CYTH1: variants seen among roughly 807,000 people sequenced by gnomAD.
CYTH1 encodes the protein cytohesin-1.
A neutral mutation model predicts 61.8 loss-of-function variants in CYTH1; 18 were observed. The ratio of observed to expected loss-of-function variants is 0.29; its 90% CI spans 0.20 to 0.43. CYTH1 has a LOEUF of 0.43. Among genes scored for constraint, CYTH1 ranks in the 20% least tolerant of loss-of-function variants. The pLI is 1.00. For synonymous variants in CYTH1, 174 were observed against 184.3 expected (o/e 0.94, Z 0.45); for missense variants, 336 against 510.5 (o/e 0.66, Z 3.29).
At chr17:78,714,949 A>G (rs2093168571) in intron 1 of CYTH1, among the ~76,000 whole-genome samples, 1 of 152,230 alleles carries the variant, frequency 6.6e-6, no homozygotes, top group African/African-American at 2.4e-5. Flanking sequence ...CTTGCAAATT[A>G]AACATACTTT....
intron 1 of CYTH1, among the ~76,000 whole-genome samples, chr17:78,724,785 T>G (rs1026180549): frequency 2.0e-5 from 3 of 152,172 alleles, no homozygotes; most frequent in Admixed American, 2.0e-4. Flanking sequence ...TCCACTGCCA[T>G]GCCATGGGGG....
At chr17:78,727,563 A>G (rs1363560725) in intron 1 of CYTH1, 5 of 395,592 alleles carry the variant, frequency 1.3e-5, no homozygotes, top group South Asian at 8.9e-5. Flanking sequence ...CCGGGTTTGC[A>G]AAAGTTTGGG....
At chr17:78,679,697 C>G (rs2092737709) in intron 13 of CYTH1, among the ~76,000 whole-genome samples, 1 of 152,230 alleles carries the variant, frequency 6.6e-6, no homozygotes, top group Non-Finnish European at 1.5e-5. Flanking sequence ...CTGTGGAACC[C>G]TGAGGAAGCT....
intron 2 of CYTH1, 167 bp downstream of exon 2, chr17:78,709,483 T>G (rs2093105214): frequency 1.6e-6 from 1 of 638,218 alleles, no homozygotes; most frequent in Non-Finnish European, 2.7e-6. Flanking sequence ...TCTCCTCAGC[T>G]GTAGAGGAAA....
In CYTH1 at chr17:78,731,762, A is replaced by AC. The variant is rs1245266331; in HGVS notation, c.23-22031_23-22030insG. Among the ~76,000 whole-genome samples, 356 of 151,864 alleles carry AC rather than the reference A, an allele frequency of 2.3e-3. 1 individual carries two copies. Among genetic ancestry groups the AC allele is most frequent in the Non-Finnish European group, 3.9e-3 (264 of 67,920 alleles). ...GACAGCGAGACTCCGTCTCAAAAAA[A>AC]AAAAAAAAACAAAAAAAAACAAATA... is the stretch of plus-strand genomic sequence containing the variant. On this transcript the variant is annotated intron_variant, in intron 1 of 13. Coordinates refer to ENST00000446868, the MANE Select transcript of CYTH1 (RefSeq NM_004762.6).
chr17:78,704,364 A>G (rs1243016298), intron 3 of CYTH1, among the ~76,000 whole-genome samples: 5 of 152,356 alleles, frequency 3.3e-5, no homozygotes, highest in African/African-American at 1.2e-4. Flanking sequence ...AACCACTGCC[A>G]TCAATATCAA....
chr17:78,729,593 C>T (rs2093282781), intron 1 of CYTH1, among the ~76,000 whole-genome samples: 1 of 152,166 alleles, frequency 6.6e-6, no homozygotes, highest in Non-Finnish European at 1.5e-5. Flanking sequence ...AAAGAGCACA[C>T]ACCTTTTGAT....
intron 1 of CYTH1, among the ~76,000 whole-genome samples, chr17:78,720,269 C>T (rs1293410722): frequency 6.6e-6 from 1 of 152,122 alleles, no homozygotes; most frequent in African/African-American, 2.4e-5. Flanking sequence ...AAAATAAAGG[C>T]CTGGCATGGT....
At chr17:78,781,528 C>T (rs938943020) in intron 1 of CYTH1, among the ~76,000 whole-genome samples, 2 of 152,160 alleles carry the variant, frequency 1.3e-5, no homozygotes, top group Admixed American at 1.3e-4. Flanking sequence ...GGCTCCACAC[C>T]CGCGTCTCGG....
chr17:78,704,211 TATGTTTAACATGATCCC>T (rs2093042558), intron 3 of CYTH1, among the ~76,000 whole-genome samples: 1 of 152,200 alleles, frequency 6.6e-6, no homozygotes, highest in Admixed American at 6.5e-5. Flanking sequence ...GCTTCTGCTG[TATGTTTAACATGATCCC>T]ATGTGTGGAG....
rs370393556 is a variant in CYTH1 at position 78,760,355 on chromosome 17, T to TTATA, written c.22+21843_22+21846dup. On this transcript the variant is annotated intron_variant, in intron 1 of 13. Coordinates refer to ENST00000446868, the MANE Select transcript of CYTH1 (RefSeq NM_004762.6). ...TCTGGCCTCTATCCAAATAGCAGGTTTATATATATATATATATATATATAT... is the reference window on the plus strand; with the variant it reads ...TCTGGCCTCTATCCAAATAGCAGGTTTATATATATATATATATATATATATATAT... Among the ~76,000 whole-genome samples, 124 of 52,230 alleles carry TTATA rather than the reference T, an allele frequency of 2.4e-3. 2 individuals carry two copies. The highest frequency in any genetic ancestry group is 8.9e-3 in the East Asian group (17 of 1,918). 34.3% of individuals were successfully genotyped at this position (52,230 alleles called of 152,430 possible).
At chr17:78,682,916 TA>T (rs1160702743) in intron 11 of CYTH1, among the ~76,000 whole-genome samples, 1 of 152,200 alleles carries the variant, frequency 6.6e-6, no homozygotes, top group Non-Finnish European at 1.5e-5. Context: ...GGGGGAGGTT[TA>T]AAAAAATTAT....
intron 1 of CYTH1, among the ~76,000 whole-genome samples, chr17:78,761,870 A>ACAGT (rs1268663928): frequency 2.6e-5 from 4 of 152,260 alleles, no homozygotes; most frequent in Admixed American, 2.6e-4. Context: ...AAGGGAAAGA[A>ACAGT]CAGTAGTAGT....
At chr17:78,715,113 A>C (rs2144485531) in intron 1 of CYTH1, among the ~76,000 whole-genome samples, 1 of 152,298 alleles carries the variant, frequency 6.6e-6, no homozygotes, top group African/African-American at 2.4e-5. Flanking sequence ...CCACAGAGAA[A>C]TTCTCATAGG....
intron 11 of CYTH1, among the ~76,000 whole-genome samples, chr17:78,682,924 T>C (rs867599497): frequency 6.6e-6 from 1 of 152,174 alleles, no homozygotes; most frequent in Non-Finnish European, 1.5e-5. Context: ...TTTAAAAAAA[T>C]TATTTTGTCA....
chr17:78,733,076 C>CAAAAAAAAAAAAAAAAAA (rs56020680), intron 1 of CYTH1, among the ~76,000 whole-genome samples: 1 of 47,692 alleles, frequency 2.1e-5, no homozygotes, highest in Non-Finnish European at 3.4e-5. Context: ...GACTCCATCT[C>CAAAAAAAAAAAAAAAAAA]AAAAAAAAAA....
intron 9 of CYTH1, chr17:78,696,830 G>C (rs2092943741): frequency 6.6e-6 from 1 of 152,162 alleles, no homozygotes; most frequent in Admixed American, 6.5e-5. Flanking sequence ...TCTCGCTGTA[G>C]GGGGAAGTAA....
At chr17:78,729,573 A>G (rs977702900) in intron 1 of CYTH1, among the ~76,000 whole-genome samples, 4 of 152,220 alleles carry the variant, frequency 2.6e-5, no homozygotes, top group Non-Finnish European at 5.9e-5. Context: ...TTTTGGCACT[A>G]GCAAAACATA....
chr17:78,714,163 AC>A (rs35726742), intron 1 of CYTH1, among the ~76,000 whole-genome samples: 68,334 of 151,736 alleles, frequency 0.45, 16,231 homozygotes, highest in Non-Finnish European at 0.53. Context: ...AGCGGTGCAC[AC>A]CTGTAATCCC....
Sources: allele counts gnomAD v4.1 joint callset (sites outside exome capture counted in the v4.1 genomes callset), GRCh38; gene constraint gnomAD v4.1.1; transcripts MANE v1.5; gene names NCBI Gene and HGNC (gene_info 2026-07-23, HGNC 2026-07-21).